The following VPS41 variants were observed in gnomAD, a reference collection of about 807,000 sequenced individuals.
VPS41 encodes the protein VPS41 subunit of HOPS complex, also known as vacuolar protein sorting-associated protein 41 homolog.
Under a neutral mutation model 130.9 loss-of-function variants are expected in VPS41, and 85 were observed. That is an observed-to-expected ratio of 0.65 (90% confidence interval 0.55 to 0.78). The LOEUF (loss-of-function observed/expected upper bound fraction) is 0.78. Among genes scored for constraint, VPS41 ranks in the 30% least tolerant of loss-of-function variants. The pLI is 0.00. For synonymous variants in VPS41, 335 were observed against 332.9 expected (o/e 1.01, Z -0.07); for missense variants, 874 against 1,018.7 (o/e 0.86, Z 1.93).
intron 1 of VPS41, among the ~76,000 whole-genome samples, chr7:38,907,002 T>G (rs980376645): frequency 6.6e-6 from 1 of 151,988 alleles, no homozygotes; most frequent in African/African-American, 2.4e-5. Context: ...TTCTAGGTAT[T>G]GGACATACAG....
At chr7:38,834,549 G>T (rs1785453737) in intron 4 of VPS41, among the ~76,000 whole-genome samples, 1 of 152,160 alleles carries the variant, frequency 6.6e-6, no homozygotes, top group African/African-American at 2.4e-5. Context: ...GGTTACCTCT[G>T]AGGGGAAGAG....
intron 5 of VPS41, among the ~76,000 whole-genome samples, chr7:38,824,729 A>G (rs980602242): frequency 2.0e-5 from 3 of 152,204 alleles, no homozygotes; most frequent in African/African-American, 7.2e-5. Flanking sequence ...AATTAAGGAC[A>G]CTCTATGACA....
intron 3 of VPS41, among the ~76,000 whole-genome samples, chr7:38,863,357 T>G (rs1786161203): frequency 6.6e-6 from 1 of 152,194 alleles, no homozygotes; most frequent in African/African-American, 2.4e-5. Context: ...TCCTTTTTAT[T>G]TATTTCAGCA....
chr7:38,859,534 C>T (rs764621445), intron 4 of VPS41, among the ~76,000 whole-genome samples: 40 of 152,190 alleles, frequency 2.6e-4, no homozygotes, highest in Middle Eastern at 3.4e-3. Context: ...TGTTTAAATG[C>T]ACAAATACTT....
intron 8 of VPS41, 178 bp downstream of exon 8, chr7:38,796,567 T>C (rs1466921246): frequency 2.2e-6 from 2 of 893,860 alleles, no homozygotes; most frequent in Non-Finnish European, 3.6e-6. Flanking sequence ...TACTATATTA[T>C]GAAAGCCAAA....
intron 2 of VPS41, among the ~76,000 whole-genome samples, chr7:38,876,182 C>CA (rs917794879): frequency 2.6e-5 from 4 of 152,062 alleles, no homozygotes; most frequent in Non-Finnish European, 5.9e-5. Flanking sequence ...TCTCCCAGAA[C>CA]AAAAAATTAT....
chr7:38,789,296 G>A (rs563247487), intron 10 of VPS41, among the ~76,000 whole-genome samples: 1 of 152,268 alleles, frequency 6.6e-6, no homozygotes, highest in African/African-American at 2.4e-5. Flanking sequence ...CCCGTGACAA[G>A]TGCTAGAAAG....
intron 7 of VPS41, among the ~76,000 whole-genome samples, chr7:38,807,830 G>A (rs1228385408): frequency 6.6e-6 from 1 of 152,162 alleles, no homozygotes; most frequent in African/African-American, 2.4e-5. Flanking sequence ...AATCCCACAA[G>A]AATATCTAAT....
intron 4 of VPS41, among the ~76,000 whole-genome samples, chr7:38,855,321 A>C (rs1035564604): frequency 1.3e-5 from 2 of 152,174 alleles, no homozygotes; most frequent in Non-Finnish European, 1.5e-5. Flanking sequence ...GGAGAGAAGG[A>C]AAATGATCAT....
rs370608229 is a variant in VPS41, at chr7:38,742,151, T to C, written c.2123-30A>G. ...AAAATACCACATAAAACAATGAACA[T>C]ATAAGCAACATTATAATGCAATTTT... is the stretch of plus-strand genomic sequence containing the variant. On this transcript the variant is annotated intron_variant, in intron 24 of 28. Transcript: ENST00000310301. The C allele has an allele frequency of 2.5e-6, 4 of 1,569,482 alleles. No homozygotes were observed. In the African/African-American group the frequency reaches 4.1e-5, roughly 16 times the overall value.
chr7:38,908,960 TAG>T, intron 1 of VPS41, among the ~76,000 whole-genome samples, 192 bp downstream of exon 1: 1 of 152,196 alleles, frequency 6.6e-6, no homozygotes, highest in Non-Finnish European at 1.5e-5. Flanking sequence ...GCGCTTTCCC[TAG>T]GTGCCCTCCC....
intron 16 of VPS41, 50 bp downstream of exon 16, chr7:38,765,530 T>A: frequency 8.2e-7 from 1 of 1,225,398 alleles, no homozygotes. Flanking sequence ...CACTGCAATA[T>A]TAATATACTA....
chr7:38,728,764 T>C lies in VPS41; in HGVS notation c.2287A>G (p.Ile763Val), dbSNP rs1383620602. ...QILLREGCKK[I>V]LVADSLSLLK... is the part of the protein sequence containing the mutation. Reference sequence around the variant, plus strand: ...AAGGACAAAGAGTCAGCTACGAGAATCTTCTTGCAGCCTTCACGAAGCAGA... The same window carrying C: ...AAGGACAAAGAGTCAGCTACGAGAACCTTCTTGCAGCCTTCACGAAGCAGA... The change falls in exon 26 of 29, where the codon ATT (isoleucine) becomes GTT (valine). Residue 763 changes from isoleucine (I) to valine (V), a missense_variant. By Grantham distance (29) the Ile-to-Val change is conservative. Transcript: ENST00000310301. 4.3e-6 allele frequency: 7 copies of C among 1,614,154 alleles called. No individual in the cohort carries two copies. The highest frequency in any genetic ancestry group is 5.9e-6 in the Non-Finnish European group (7 of 1,180,010).
intron 7 of VPS41, among the ~76,000 whole-genome samples, chr7:38,798,790 T>C (rs1367757928): frequency 6.6e-6 from 1 of 152,218 alleles, no homozygotes; most frequent in East Asian, 1.9e-4. Flanking sequence ...CCCTCACCAA[T>C]TCCCACCTAG....
At chr7:38,878,479 C>G (rs1264369288) in intron 2 of VPS41, among the ~76,000 whole-genome samples, 1 of 152,118 alleles carries the variant, frequency 6.6e-6, no homozygotes, top group Non-Finnish European at 1.5e-5. Flanking sequence ...AACTCCCAAA[C>G]AGTACACCAA....
chr7:38,734,071 A>G (rs1366074069), intron 25 of VPS41, among the ~76,000 whole-genome samples: 5 of 152,248 alleles, frequency 3.3e-5, no homozygotes, highest in Non-Finnish European at 7.3e-5. Context: ...CCTGGGCAAC[A>G]AAGTAAGGCC....
intron 25 of VPS41, among the ~76,000 whole-genome samples, chr7:38,732,692 A>G (rs932005013): frequency 6.6e-5 from 10 of 152,198 alleles, no homozygotes; most frequent in Non-Finnish European, 1.3e-4. Flanking sequence ...ATAGGGCTAT[A>G]ATTTTCTCAT....
chr7:38,860,697 T>TTGTGTGTGTGTGTG (rs59007809), intron 4 of VPS41, among the ~76,000 whole-genome samples: 9 of 143,498 alleles, frequency 6.3e-5, no homozygotes, highest in African/African-American at 2.3e-4. Flanking sequence ...AACAATCTGT[T>TTGTGTGTGTGTGTG]TGTGTGTGTG....
intron 9 of VPS41, among the ~76,000 whole-genome samples, chr7:38,793,390 G>A (rs530238015): frequency 1.3e-5 from 2 of 152,226 alleles, no homozygotes; most frequent in African/African-American, 2.4e-5. Context: ...GAAAGACCAC[G>A]TCCTTATCTC....
Sources: gnomAD v4.1 joint callset for allele counts (sites outside exome capture counted in the v4.1 genomes callset) on GRCh38, gnomAD v4.1.1 for gene constraint, MANE v1.5 for transcripts, NCBI Gene and HGNC (gene_info 2026-07-23, HGNC 2026-07-21) for gene names.